The following DACH1 variants were observed in gnomAD, a reference collection of about 807,000 sequenced individuals.
DACH1 encodes the protein dachshund family transcription factor 1.
In DACH1, 12 loss-of-function variants were observed where a neutral mutation model predicts 54.2. The ratio of observed to expected loss-of-function variants is 0.22; its 90% CI spans 0.14 to 0.36. DACH1 has a LOEUF of 0.36. DACH1 is among the 10% of genes least tolerant of loss of function. DACH1 has a pLI of 1.00. For missense variants in DACH1, 805 were observed against 929.8 expected (o/e 0.87, Z 1.75); for synonymous variants, 386 against 366.2 (o/e 1.05, Z -0.62).
At chr13:71,546,927 T>C (rs1883501440) in intron 6 of DACH1, among the ~76,000 whole-genome samples, 1 of 152,118 alleles carries the variant, frequency 6.6e-6, no homozygotes, top group Admixed American at 6.6e-5. Context: ...CAGTTATTAG[T>C]TGGTCTAATG....
rs909708475 is a variant in DACH1, at chr13:71,561,365, G to A, written c.1300-1410C>T. Among the ~76,000 whole-genome samples, 10 of 152,292 alleles carry A rather than the reference G, an allele frequency of 6.6e-5. No homozygotes were observed. The South Asian group carries it at 2.1e-3, about 32-fold the overall frequency. On this transcript the variant is annotated intron_variant, in intron 4 of 10. Coordinates refer to ENST00000613252, the MANE Select transcript of DACH1 (RefSeq NM_080759.6). ...CTTTGCAGACATAATTAGTTAAGAT[G>A]AGAACATACTGGATTAGGGTGGCTT...
intron 2 of DACH1, among the ~76,000 whole-genome samples, chr13:71,657,826 G>T (rs1390658169): frequency 1.3e-5 from 2 of 151,886 alleles, no homozygotes; most frequent in Non-Finnish European, 2.9e-5. Flanking sequence ...GCCCGGGCTT[G>T]TCTTGAACTC....
intron 1 of DACH1, among the ~76,000 whole-genome samples, chr13:71,773,428 G>GA (rs1885940562): frequency 6.6e-6 from 1 of 151,776 alleles, no homozygotes; most frequent in Non-Finnish European, 1.5e-5. Flanking sequence ...ACAAGTCTGA[G>GA]AATATATTCT....
chr13:71,816,800 T>C (rs2138169514), intron 1 of DACH1, among the ~76,000 whole-genome samples: 1 of 151,846 alleles, frequency 6.6e-6, no homozygotes, highest in South Asian at 2.1e-4. Flanking sequence ...CTTAGCAAAC[T>C]CACAAAGGAA....
At chr13:71,489,799 A>G (rs1420975220) in intron 6 of DACH1, among the ~76,000 whole-genome samples, 3 of 152,130 alleles carry the variant, frequency 2.0e-5, no homozygotes, top group Admixed American at 6.6e-5. Flanking sequence ...GCTTCCATAC[A>G]TAAAAAACGG....
At chr13:71,668,207 A>G (rs1280587090) in intron 2 of DACH1, among the ~76,000 whole-genome samples, 2 of 152,038 alleles carry the variant, frequency 1.3e-5, no homozygotes, top group Non-Finnish European at 2.9e-5. Flanking sequence ...GATAATCTTG[A>G]TAATATAGCA....
chr13:71,703,379 C>T (rs548929071), intron 1 of DACH1, among the ~76,000 whole-genome samples: 1 of 152,298 alleles, frequency 6.6e-6, no homozygotes, highest in South Asian at 2.1e-4. Context: ...ATAGATCTGT[C>T]CCTTCCTGAG....
rs563412885 is a variant in DACH1 at position 71,528,430 on chromosome 13, T to C, written c.1570+28594A>G. On this transcript the variant is annotated intron_variant, in intron 6 of 10. Coordinates refer to ENST00000613252, the MANE Select transcript of DACH1 (RefSeq NM_080759.6). ...GAAACGGAAAAACAGATTTTCTTTT[T>C]TTTTTTTTTTTTTTTGAGACTGAGT... Among the ~76,000 whole-genome samples, 27 of 143,778 alleles carry C rather than the reference T, an allele frequency of 1.9e-4. 1 individual carries two copies. The East Asian group carries it at 2.2e-3, about 12-fold the overall frequency. 94.3% of individuals were successfully genotyped at this position (143,778 alleles called of 152,430 possible).
intron 1 of DACH1, among the ~76,000 whole-genome samples, chr13:71,825,424 T>A (rs1043380702): frequency 6.6e-6 from 1 of 152,078 alleles, no homozygotes; most frequent in African/African-American, 2.4e-5. Context: ...ATATGTTTGT[T>A]CCCCTTAAAA....
chr13:71,848,040 A>G (rs970216368), intron 1 of DACH1, among the ~76,000 whole-genome samples: 6 of 152,158 alleles, frequency 3.9e-5, no homozygotes, highest in African/African-American at 1.4e-4. Context: ...GAATAATTAT[A>G]AATTTTGTAT....
At chr13:71,698,444 C>A (rs1397275125) in intron 1 of DACH1, among the ~76,000 whole-genome samples, 1 of 151,938 alleles carries the variant, frequency 6.6e-6, no homozygotes, top group African/African-American at 2.4e-5. Flanking sequence ...ACGTTTAGTC[C>A]TCTGTATTGA....
chr13:71,549,631 G>T (rs1434305423), intron 6 of DACH1, among the ~76,000 whole-genome samples: 1 of 152,154 alleles, frequency 6.6e-6, no homozygotes, highest in Non-Finnish European at 1.5e-5. Context: ...CACTGAGGTT[G>T]TCAACACCAA....
intron 1 of DACH1, among the ~76,000 whole-genome samples, chr13:71,698,963 T>C (rs1881971350): frequency 1.3e-5 from 2 of 152,134 alleles, no homozygotes; most frequent in South Asian, 4.1e-4. Context: ...AACTAAAACA[T>C]TTAATACTCT....
At chr13:71,453,058 C>A (rs1046573209) in intron 10 of DACH1, among the ~76,000 whole-genome samples, 1 of 152,066 alleles carries the variant, frequency 6.6e-6, no homozygotes, top group Non-Finnish European at 1.5e-5. Context: ...ATTAAATATT[C>A]ATTAGTAAGA....
chr13:71,722,834 G>C (rs1883291298), intron 1 of DACH1, among the ~76,000 whole-genome samples: 1 of 151,960 alleles, frequency 6.6e-6, no homozygotes, highest in South Asian at 2.1e-4. Flanking sequence ...TATACTATTC[G>C]TGGCTTTCTC....
At chr13:71,824,247 T>A (rs1466902439) in intron 1 of DACH1, among the ~76,000 whole-genome samples, 2 of 151,870 alleles carry the variant, frequency 1.3e-5, no homozygotes, top group Admixed American at 1.3e-4. Context: ...TTGGTATTAT[T>A]ATTATTTAAA....
intron 1 of DACH1, among the ~76,000 whole-genome samples, chr13:71,808,966 G>A (rs1232644494): frequency 6.6e-6 from 1 of 152,138 alleles, no homozygotes; most frequent in Non-Finnish European, 1.5e-5. Context: ...GAAAGCTGAT[G>A]CATACAAATT....
chr13:71,842,101 G>A (rs1872898383), intron 1 of DACH1, among the ~76,000 whole-genome samples: 1 of 152,142 alleles, frequency 6.6e-6, no homozygotes, highest in Non-Finnish European at 1.5e-5. Context: ...AACTCATTTA[G>A]TACCTGTTTC....
chr13:71,863,978 G>T (rs2138299415), intron 1 of DACH1, among the ~76,000 whole-genome samples: 1 of 151,856 alleles, frequency 6.6e-6, no homozygotes, highest in Non-Finnish European at 1.5e-5. Flanking sequence ...ATTTCACCTA[G>T]CTTTCTTCAT....
Sources: gnomAD v4.1 joint callset for allele counts (sites outside exome capture counted in the v4.1 genomes callset) on GRCh38, gnomAD v4.1.1 for gene constraint, MANE v1.5 for transcripts, NCBI Gene and HGNC (gene_info 2026-07-23, HGNC 2026-07-21) for gene names.